The following EML4 variants were observed in gnomAD, a reference collection of about 807,000 sequenced individuals.
The protein encoded by EML4 is echinoderm microtubule-associated protein-like 4.
A neutral mutation model predicts 129.0 loss-of-function variants in EML4; 72 were observed. The ratio of observed to expected loss-of-function variants is 0.56; its 90% CI spans 0.46 to 0.68. The LOEUF (loss-of-function observed/expected upper bound fraction) is 0.68. Ranked by LOEUF, EML4 falls within the 30% of genes least tolerant of loss-of-function variation. The pLI is 0.00. For missense variants in EML4, 1,363 were observed against 1,190.6 expected, an observed-to-expected ratio of 1.14 and a Z score of -2.13; for synonymous variants, 532 against 405.0, an observed-to-expected ratio of 1.31 and a Z score of -3.77.
chr2:42,173,385 A>T (rs1379725702), intron 1 of EML4, among the ~76,000 whole-genome samples: 1 of 152,046 alleles, frequency 6.6e-6, no homozygotes, highest in Non-Finnish European at 1.5e-5. Context: ...ATGAGTAGTA[A>T]CTCTTAAATG....
intron 6 of EML4, among the ~76,000 whole-genome samples, chr2:42,270,470 A>G (rs1202468412): frequency 6.6e-6 from 1 of 152,140 alleles, no homozygotes; most frequent in Non-Finnish European, 1.5e-5. Context: ...AGGTGGGAGG[A>G]TGGCTTGAAT....
At chr2:42,221,403 C>CTTTTTTATTTTTTT (rs1673585872) in intron 1 of EML4, among the ~76,000 whole-genome samples, 1 of 108,256 alleles carries the variant, frequency 9.2e-6, no homozygotes, top group Non-Finnish European at 1.9e-5. Context: ...ACATGGTTTA[C>CTTTTTTATTTTTTT]TTTTTTTTTT....
intron 1 of EML4, among the ~76,000 whole-genome samples, chr2:42,232,604 C>G (rs921890642): frequency 1.3e-5 from 2 of 152,184 alleles, no homozygotes; most frequent in South Asian, 2.1e-4. Flanking sequence ...TCAAGTAACT[C>G]CTATACTTTG....
chr2:42,196,723 A>C (rs1414302547), intron 1 of EML4, among the ~76,000 whole-genome samples: 1 of 152,202 alleles, frequency 6.6e-6, no homozygotes, highest in Non-Finnish European at 1.5e-5. Flanking sequence ...AATAAGGTCC[A>C]AGGAAAGCTA....
chr2:42,266,641 G>C (rs1326579312), intron 6 of EML4, among the ~76,000 whole-genome samples: 3 of 143,414 alleles, frequency 2.1e-5, no homozygotes, highest in African/African-American at 8.0e-5. Flanking sequence ...ACCACTTCTG[G>C]TCCGAAAACT....
chr2:42,196,422 C>T (rs965523561), intron 1 of EML4, among the ~76,000 whole-genome samples: 9 of 152,154 alleles, frequency 5.9e-5, no homozygotes, highest in Admixed American at 5.2e-4. Context: ...ATAATGGACA[C>T]AGCATCTGTT....
chr2:42,264,899 G>C (rs1352836178), intron 6 of EML4, 168 bp downstream of exon 6: 5 of 1,549,988 alleles, frequency 3.2e-6, no homozygotes, highest in Non-Finnish European at 4.4e-6. Context: ...GTAAGGTAAT[G>C]TCATTTTTGT....
Position 42,256,363 on chromosome 2 carries a change from T to A in EML4, c.209-138T>A. 14 of 747,816 alleles carry A rather than the reference T, an allele frequency of 1.9e-5. No homozygotes were observed. In the South Asian group the frequency reaches 3.2e-4, roughly 17 times the overall value. 46.3% of individuals were successfully genotyped at this position (747,816 alleles called of 1,614,324 possible). ...TGTGCTGCATACCATGGGGGCATTC[T>A]GCTCAAGAGTTATAAACAATAATAT... On this transcript the variant is annotated intron_variant, in intron 2 of 22. Transcript: ENST00000318522.
At chr2:42,201,405 T>A (rs1486581135) in intron 1 of EML4, among the ~76,000 whole-genome samples, 1 of 152,226 alleles carries the variant, frequency 6.6e-6, no homozygotes, top group African/African-American at 2.4e-5. Flanking sequence ...TATGCAGATT[T>A]TTAGCTTGAT....
chr2:42,295,563 TA>T, intron 13 of EML4, 47 bp downstream of exon 13: 1 of 1,559,674 alleles, frequency 6.4e-7, no homozygotes, highest in African/African-American at 1.4e-5. Flanking sequence ...TCTCACATAG[TA>T]CTCTTTCAGT....
intron 2 of EML4, among the ~76,000 whole-genome samples, chr2:42,247,899 G>T (rs1675516822): frequency 6.6e-6 from 1 of 151,844 alleles, no homozygotes. Context: ...AGAACCCGAG[G>T]GTACATATAA....
At chr2:42,274,633 A>G (rs948410456) in intron 6 of EML4, among the ~76,000 whole-genome samples, 2 of 152,190 alleles carry the variant, frequency 1.3e-5, no homozygotes, top group African/African-American at 2.4e-5. Context: ...TACTTTAAAA[A>G]CCATTATTTA....
chr2:42,261,217 T>G lies in EML4; in HGVS notation c.435T>G (p.Pro145=). ...AAAGTCCACAAATTCGAGCATCACCTTCTCCCCAGCCCTCTTCACAACCTC... is the reference window on the plus strand; with the variant it reads ...AAAGTCCACAAATTCGAGCATCACCGTCTCCCCAGCCCTCTTCACAACCTC... ...NDQSPQIRAS[P]SPQPSSQPLQ... Residue 145 remains proline (P), a synonymous_variant, in exon 4 of 23, where the codon CCT becomes CCG. Coordinates refer to ENST00000318522, the MANE Select transcript of EML4 (RefSeq NM_019063.5). The G allele has an allele frequency of 2.5e-6, 4 of 1,613,968 alleles. No individual in the cohort carries two copies. Among genetic ancestry groups the G allele is most frequent in the Non-Finnish European group, 2.5e-6 (3 of 1,179,940 alleles).
chr2:42,203,725 A>AG (rs774219191), intron 1 of EML4, among the ~76,000 whole-genome samples: 2 of 151,780 alleles, frequency 1.3e-5, no homozygotes, highest in African/African-American at 2.4e-5. Context: ...GAAAAAAAAA[A>AG]CAGAGAGGAT....
intron 1 of EML4, among the ~76,000 whole-genome samples, chr2:42,198,201 T>C (rs1225559171): frequency 6.6e-6 from 1 of 152,212 alleles, no homozygotes; most frequent in African/African-American, 2.4e-5. Flanking sequence ...AGAGGGAGTC[T>C]GACTTAAAAT....
At position 42,245,495 on chromosome 2, in the gene EML4, T is replaced by C; in HGVS notation, c.26-10T>C. On this transcript the variant is annotated splice_polypyrimidine_tract_variant and intron_variant, in intron 1 of 22. Coordinates refer to ENST00000318522, the MANE Select transcript of EML4 (RefSeq NM_019063.5). The stretch of plus-strand genomic sequence containing the variant: ...CTTAAAAATATTCCATATTTTATTT[T>C]ATTTTATAGATGATAGTATTTCTGC... The C allele has an allele frequency of 1.3e-5, 21 of 1,581,074 alleles. No individual in the cohort carries two copies. Among genetic ancestry groups the C allele is most frequent in the Non-Finnish European group, 1.8e-5 (21 of 1,161,080 alleles).
chr2:42,170,359 T>C (rs535734033), intron 1 of EML4: 1 of 152,334 alleles, frequency 6.6e-6, no homozygotes, highest in East Asian at 1.9e-4. Context: ...GTTTTCTGGT[T>C]CTGCATACAT....
chr2:42,204,045 G>A (rs374567726), intron 1 of EML4, among the ~76,000 whole-genome samples: 10 of 151,936 alleles, frequency 6.6e-5, no homozygotes, highest in East Asian at 1.9e-4. Context: ...TCAGCCCTCC[G>A]AATAGCTAGG....
chr2:42,288,396 G>A (rs1265693819), intron 11 of EML4, 74 bp downstream of exon 11: 5 of 713,794 alleles, frequency 7.0e-6, no homozygotes, highest in Admixed American at 5.0e-5. Flanking sequence ...AACTATATTG[G>A]TATTAGAACT....
Sources: allele counts gnomAD v4.1 joint callset (sites outside exome capture counted in the v4.1 genomes callset), GRCh38; gene constraint gnomAD v4.1.1; transcripts MANE v1.5; gene names NCBI Gene and HGNC (gene_info 2026-07-23, HGNC 2026-07-21).